ROCK2: variants seen among roughly 807,000 people sequenced by gnomAD.
ROCK2 encodes the protein Rho associated coiled-coil containing protein kinase 2, also known as rho-associated protein kinase 2.
ROCK2 carries 61 observed loss-of-function variants against 195.1 expected under a neutral mutation model. The ratio of observed to expected loss-of-function variants is 0.31; its 90% CI spans 0.25 to 0.39. The LOEUF is 0.39. Ranked by LOEUF, ROCK2 falls within the 10% of genes least tolerant of loss-of-function variation. The pLI, the probability that ROCK2 is intolerant of heterozygous loss-of-function variation, is 1.00. For missense variants in ROCK2, 1,109 were observed against 1,637.4 expected (o/e 0.68, Z 5.57); for synonymous variants, 504 against 545.5 (o/e 0.92, Z 1.06).
intron 3 of ROCK2, among the ~76,000 whole-genome samples, chr2:11,252,721 G>A (rs970419684): frequency 2.6e-5 from 4 of 151,994 alleles, no homozygotes; most frequent in African/African-American, 9.7e-5. Context: ...AAACACCGCA[G>A]GTTCCCACTC....
At chr2:11,288,171 C>G (rs1667257152) in intron 1 of ROCK2, among the ~76,000 whole-genome samples, 1 of 152,152 alleles carries the variant, frequency 6.6e-6, no homozygotes, top group Admixed American at 6.5e-5. Context: ...CATCCTTACC[C>G]TCTGGGAGCT....
At chr2:11,331,462 CAG>C (rs1436840224) in intron 1 of ROCK2, among the ~76,000 whole-genome samples, 1 of 151,908 alleles carries the variant, frequency 6.6e-6, no homozygotes. Flanking sequence ...ACTGTTTTAA[CAG>C]AGAAGTATAA....
chr2:11,331,112 A>T (rs1668754002), intron 1 of ROCK2, among the ~76,000 whole-genome samples: 1 of 152,072 alleles, frequency 6.6e-6, no homozygotes, highest in Admixed American at 6.5e-5. Flanking sequence ...GAAAAAAGAA[A>T]AAGGTACCAC....
At chr2:11,297,817 T>G (rs1667583584) in intron 1 of ROCK2, among the ~76,000 whole-genome samples, 1 of 152,204 alleles carries the variant, frequency 6.6e-6, no homozygotes, top group South Asian at 2.1e-4. Flanking sequence ...GAACAAAATT[T>G]TTTCAAGTTT....
intron 1 of ROCK2, among the ~76,000 whole-genome samples, chr2:11,326,988 T>A (rs1668569044): frequency 6.6e-6 from 1 of 152,144 alleles, no homozygotes; most frequent in Non-Finnish European, 1.5e-5. Flanking sequence ...CTATGGAGAA[T>A]AAAAGAATTG....
At chr2:11,333,887 A>G (rs1668843318) in intron 1 of ROCK2, among the ~76,000 whole-genome samples, 2 of 152,212 alleles carry the variant, frequency 1.3e-5, no homozygotes, top group South Asian at 4.1e-4. Flanking sequence ...AAAAAATGAC[A>G]CATATAAATA....
rs1020196302 is a variant in ROCK2, at chr2:11,180,680, A to T, written c.*2757T>A. The T allele has an allele frequency of 2.0e-5, 3 of 152,226 alleles. No homozygotes were observed. Among genetic ancestry groups the T allele is most frequent in the Non-Finnish European group, 4.4e-5 (3 of 68,036 alleles). 9.4% of individuals were successfully genotyped at this position (152,226 alleles called of 1,614,324 possible). A position where few individuals can be genotyped will look rare whatever the true frequency, so the allele number is the denominator to read the frequency against. ...AGGAGGTATTTATGGTTCTAGGAGAAATCAGGTGTGAAGGAACAAGCAAAT... is the reference window on the plus strand; with the variant it reads ...AGGAGGTATTTATGGTTCTAGGAGATATCAGGTGTGAAGGAACAAGCAAAT... On this transcript the variant is annotated 3_prime_UTR_variant, in exon 33 of 33. Coordinates refer to ENST00000315872, the MANE Select transcript of ROCK2 (RefSeq NM_004850.5).
At chr2:11,281,403 G>T (rs968925720) in intron 3 of ROCK2, among the ~76,000 whole-genome samples, 4 of 152,076 alleles carry the variant, frequency 2.6e-5, no homozygotes, top group Non-Finnish European at 5.9e-5. Context: ...CCGAGGTAAT[G>T]CAATAACACA....
chr2:11,294,692 T>C (rs1490729437), intron 1 of ROCK2, among the ~76,000 whole-genome samples: 1 of 152,192 alleles, frequency 6.6e-6, no homozygotes, highest in Non-Finnish European at 1.5e-5. Context: ...TGTAATACAT[T>C]GTTTTATTAT....
chr2:11,213,638 A>G (rs893313987), intron 17 of ROCK2, among the ~76,000 whole-genome samples: 2 of 134,412 alleles, frequency 1.5e-5, no homozygotes, highest in African/African-American at 5.1e-5. Flanking sequence ...AAAACAAACA[A>G]TGCCTTTTTT....
At chr2:11,234,885 C>T (rs1310425340) in intron 5 of ROCK2, among the ~76,000 whole-genome samples, 1 of 152,016 alleles carries the variant, frequency 6.6e-6, no homozygotes, top group Non-Finnish European at 1.5e-5. Context: ...GAGAAAATTA[C>T]CTTAACTCAA....
At position 11,197,157 on chromosome 2, in the gene ROCK2, T is replaced by C. The variant is rs2148037416; in HGVS notation, c.3448+23A>G. 3.2e-6 allele frequency: 5 copies of C among 1,546,720 alleles called. No individual in the cohort carries two copies. Among genetic ancestry groups the C allele is most frequent in the Non-Finnish European group, 4.4e-6 (5 of 1,141,286 alleles). ...ACTGATTTATATTTAAGATAAATAT[T>C]AGTGCTGAAAACAAATCCATACCTG... On this transcript the variant is annotated intron_variant, in intron 27 of 32. Transcript: ENST00000315872. The surrounding 1 kb of genome is among the most constrained non-coding windows in gnomAD (Gnocchi z 4.9).
rs1295663799 is a variant in ROCK2 at position 11,282,196 on chromosome 2, C to T, written c.324+4343G>A. 2.6e-5 allele frequency among the ~76,000 whole-genome samples: 4 copies of T among 151,826 alleles called. No individual in the cohort carries two copies. In the East Asian group the frequency reaches 7.7e-4, roughly 29 times the overall value. The stretch of plus-strand genomic sequence containing the variant: ...CAAAACCCCATCTTTACTAAAAATA[C>T]AAAAATTAGCCAGGAGTGGTGGCAC... On this transcript the variant is annotated intron_variant, in intron 3 of 32. Transcript: ENST00000315872.
At position 11,201,375 on chromosome 2, in the gene ROCK2, T is replaced by C; in HGVS notation, c.2658A>G (p.Glu886=). ...YKTQVRELKE[E]CEEKTKLGKE... is the part of the protein sequence containing the mutation. The stretch of plus-strand genomic sequence containing the variant: ...TACCAAGTTTGGTCTTTTCTTCACA[T>C]TCTTCTTTAAGCTCCCTAACTTGTG... The change falls in exon 22 of 33, where the codon GAA becomes GAG. Residue 886 remains glutamate, a synonymous_variant. Transcript: ENST00000315872. This position sits in a 1 kb window ranked among gnomAD's most constrained non-coding sequence, Gnocchi z 4.6. 6.2e-7 allele frequency: 1 copy of C among 1,612,498 alleles called. No homozygotes were observed. Among genetic ancestry groups the C allele is most frequent in the South Asian group, 1.1e-5 (1 of 91,060 alleles).
intron 1 of ROCK2, among the ~76,000 whole-genome samples, chr2:11,309,959 C>G (rs1264153582): frequency 6.6e-6 from 1 of 151,230 alleles, no homozygotes; most frequent in African/African-American, 2.4e-5. Flanking sequence ...CCAGCCTGCC[C>G]TGTCTCCAAA....
intron 7 of ROCK2, among the ~76,000 whole-genome samples, chr2:11,222,674 T>C (rs1261327392): frequency 2.0e-5 from 3 of 152,146 alleles, no homozygotes; most frequent in Admixed American, 6.5e-5. Context: ...ATTAAACTTA[T>C]CATTCTGCAT....
chr2:11,201,098 A>G lies in ROCK2; in HGVS notation c.2769T>C (p.Asp923=). 2 of 1,613,338 alleles carry G rather than the reference A, an allele frequency of 1.2e-6. No homozygotes were observed. Among genetic ancestry groups the G allele is most frequent in the Non-Finnish European group, 1.7e-6 (2 of 1,179,770 alleles). The stretch of plus-strand genomic sequence containing the variant: ...CAATTGAACGAGCCAGTTGCTCAGA[A>G]TCTGCTTTGGTCAAGGTGATCTCCA... ...AQLEITLTKA[D]SEQLARSIAE... is the part of the protein sequence containing the mutation. Residue 923 remains aspartate (D), a synonymous_variant, in exon 23 of 33, where the codon GAT becomes GAC. Transcript: ENST00000315872. This position sits in a 1 kb window ranked among gnomAD's most constrained non-coding sequence, Gnocchi z 4.6.
At chr2:11,286,835 AT>A (rs1667211833) in intron 2 of ROCK2, among the ~76,000 whole-genome samples, 196 bp from the exon 3 acceptor site, 1 of 152,218 alleles carries the variant, frequency 6.6e-6, no homozygotes, top group Non-Finnish European at 1.5e-5. Context: ...TTATTAACAC[AT>A]ATAAATGAAC....
chr2:11,217,300 G>A (rs766578022), intron 11 of ROCK2, 131 bp from the exon 12 acceptor site: 2 of 737,686 alleles, frequency 2.7e-6, no homozygotes, highest in South Asian at 1.4e-5. Context: ...TACAGTATTT[G>A]TACCTCCTTA....
Sources: allele counts gnomAD v4.1 joint callset (sites outside exome capture counted in the v4.1 genomes callset), GRCh38; gene constraint gnomAD v4.1.1; non-coding constraint Gnocchi (gnomAD v3.1); transcripts MANE v1.5; gene names NCBI Gene and HGNC (gene_info 2026-07-23, HGNC 2026-07-21).